MTSS1: variants seen among roughly 807,000 people sequenced by gnomAD.
MTSS1 encodes MTSS I-BAR domain containing 1, also known as protein MTSS 1.
MTSS1 carries 18 observed loss-of-function variants against 79.0 expected under a neutral mutation model. The observed-to-expected ratio is 0.23, with a 90% CI of 0.16 to 0.34. The LOEUF (loss-of-function observed/expected upper bound fraction) is 0.34. Among genes scored for constraint, MTSS1 ranks in the 10% least tolerant of loss-of-function variants. The probability of loss-of-function intolerance (pLI) is 1.00; values close to 1 mark genes in which losing one functional copy is unlikely to be tolerated. For missense variants in MTSS1, 815 were observed against 986.2 expected (o/e 0.83, Z 2.33); for synonymous variants, 341 against 368.6 (o/e 0.93, Z 0.86).
chr8:124,615,685 G>A (rs1352904858), intron 3 of MTSS1, among the ~76,000 whole-genome samples: 1 of 152,030 alleles, frequency 6.6e-6, no homozygotes, highest in Non-Finnish European at 1.5e-5. Flanking sequence ...GATTAAGACG[G>A]TATATGTTAT....
intron 13 of MTSS1, among the ~76,000 whole-genome samples, chr8:124,555,371 G>C (rs1823398440): frequency 6.6e-6 from 1 of 152,024 alleles, no homozygotes; most frequent in Non-Finnish European, 1.5e-5. Context: ...TCAGCCTCCT[G>C]AGTAGCTGGG....
Position 124,555,744 on chromosome 8 carries a change from T to C in MTSS1, c.1565A>G (p.Gln522Arg). The part of the protein sequence containing the change: ...PCCSEDTIPS[Q>R]VSDYDYFSVS... ...GCACACCCCAGGCTGCCTCGTACCT[T>C]GGGAAGGGATGGTGTCCTCAGAGCA... The change falls in exon 13 of 14, where the codon CAA (glutamine) becomes CGA (arginine). Residue 522 changes from glutamine (Q) to arginine (R), a missense_variant and splice_region_variant. Transcript: ENST00000518547. 6.2e-7 allele frequency: 1 copy of C among 1,608,196 alleles called. No individual in the cohort carries two copies. Among genetic ancestry groups the C allele is most frequent in the East Asian group, 2.2e-5 (1 of 44,798 alleles).
intron 3 of MTSS1, among the ~76,000 whole-genome samples, chr8:124,605,030 A>G (rs1394954601): frequency 6.6e-6 from 1 of 152,198 alleles, no homozygotes; most frequent in Non-Finnish European, 1.5e-5. Flanking sequence ...CGCTCACACT[A>G]TGGGAAAACC....
At chr8:124,572,033 T>C (rs908285395) in intron 6 of MTSS1, among the ~76,000 whole-genome samples, 1 of 152,094 alleles carries the variant, frequency 6.6e-6, no homozygotes, top group African/African-American at 2.4e-5. Flanking sequence ...GAAAAATGTA[T>C]CTTTACTTCC....
intron 3 of MTSS1, among the ~76,000 whole-genome samples, chr8:124,605,535 A>AGCCCTCGCGCTGCCTCCCTCCCT (rs1563842452): frequency 3.7e-5 from 5 of 135,712 alleles, no homozygotes; most frequent in African/African-American, 1.4e-4. Flanking sequence ...CTGCGGAGAC[A>AGCCCTCGCGCTGCCTCCCTCCCT]GCCCTCGCAC....
intron 3 of MTSS1, among the ~76,000 whole-genome samples, chr8:124,633,444 A>C (rs1054443102): frequency 1.3e-5 from 2 of 152,120 alleles, no homozygotes; most frequent in Non-Finnish European, 2.9e-5. Context: ...TTATTCCTAA[A>C]AGGAAAAATT....
intron 3 of MTSS1, among the ~76,000 whole-genome samples, chr8:124,674,803 C>T (rs1034922516): frequency 6.6e-6 from 1 of 152,022 alleles, no homozygotes; most frequent in Non-Finnish European, 1.5e-5. Context: ...CGCACTGCAA[C>T]CTCTGCTTCC....
chr8:124,661,678 G>A (rs58439099), intron 3 of MTSS1, among the ~76,000 whole-genome samples: 58 of 151,970 alleles, frequency 3.8e-4, no homozygotes, highest in East Asian at 5.8e-4. Flanking sequence ...TCAGCCACCC[G>A]CTACAAACAC....
chr8:124,678,672 C>A (rs1007854405), intron 3 of MTSS1, among the ~76,000 whole-genome samples: 1 of 152,202 alleles, frequency 6.6e-6, no homozygotes. Context: ...TCCCACAACT[C>A]GTAAGGATTA....
At chr8:124,561,246 C>T (rs931901777) in intron 10 of MTSS1, among the ~76,000 whole-genome samples, 1 of 152,110 alleles carries the variant, frequency 6.6e-6, no homozygotes, top group Admixed American at 6.6e-5. Flanking sequence ...GGCAAAAGCC[C>T]ACCTCTACTA....
In MTSS1 at chr8:124,597,509, G is replaced by C. The variant is rs1310059624; in HGVS notation, c.209-6274C>G. Reference sequence around the variant, plus strand: ...AAAGTCCGAAGTCAGATTGCCCCTTGCTGCAGAGACCTGGCAGCGACAGGC... The same window carrying C: ...AAAGTCCGAAGTCAGATTGCCCCTTCCTGCAGAGACCTGGCAGCGACAGGC... On this transcript the variant is annotated intron_variant, in intron 3 of 13. Coordinates refer to ENST00000518547, the MANE Select transcript of MTSS1 (RefSeq NM_014751.6). The surrounding 1 kb of genome is among the most constrained non-coding windows in gnomAD (Gnocchi z 4.6). Among the ~76,000 whole-genome samples the C allele has an allele frequency of 6.6e-6, 1 of 152,236 alleles. No homozygotes were observed. Among genetic ancestry groups the C allele is most frequent in the Non-Finnish European group, 1.5e-5 (1 of 68,050 alleles).
intron 3 of MTSS1, among the ~76,000 whole-genome samples, chr8:124,628,150 G>C (rs995725820): frequency 6.6e-6 from 1 of 152,206 alleles, no homozygotes; most frequent in African/African-American, 2.4e-5. Flanking sequence ...CTGGGCGACA[G>C]AGGGAGACCC....
At chr8:124,613,644 C>A (rs1398531566) in intron 3 of MTSS1, among the ~76,000 whole-genome samples, 1 of 152,186 alleles carries the variant, frequency 6.6e-6, no homozygotes, top group Non-Finnish European at 1.5e-5. Context: ...CTACGTACAG[C>A]TCCACAGGTA....
intron 3 of MTSS1, among the ~76,000 whole-genome samples, chr8:124,622,887 T>A (rs576274804): frequency 1.2e-4 from 18 of 152,182 alleles, no homozygotes; most frequent in Admixed American, 3.9e-4. Context: ...AAACTTCATG[T>A]TGTACACCTT....
intron 3 of MTSS1, among the ~76,000 whole-genome samples, chr8:124,645,935 G>A (rs2134079455): frequency 6.6e-6 from 1 of 152,240 alleles, no homozygotes; most frequent in South Asian, 2.1e-4. Context: ...TCCTTCAGAA[G>A]CTGCTCATGC....
intron 1 of MTSS1, among the ~76,000 whole-genome samples, chr8:124,720,296 C>G (rs895458990): frequency 6.6e-6 from 1 of 152,206 alleles, no homozygotes; most frequent in African/African-American, 2.4e-5. Flanking sequence ...TGTCCTCACA[C>G]AAAAGGTTAA....
intron 3 of MTSS1, among the ~76,000 whole-genome samples, chr8:124,648,919 T>G (rs1819477747): frequency 6.6e-6 from 1 of 152,226 alleles, no homozygotes; most frequent in African/African-American, 2.4e-5. Context: ...CTCAAGGAGC[T>G]CTACAACATC....
At chr8:124,556,785 C>A (rs1029950727) in intron 11 of MTSS1, among the ~76,000 whole-genome samples, 2 of 152,238 alleles carry the variant, frequency 1.3e-5, no homozygotes, top group Non-Finnish European at 1.5e-5. Flanking sequence ...AGATGGCTTC[C>A]CGTTAGGGGA....
At chr8:124,610,533 C>T (rs966861555) in intron 3 of MTSS1, among the ~76,000 whole-genome samples, 2 of 152,148 alleles carry the variant, frequency 1.3e-5, no homozygotes, top group Non-Finnish European at 2.9e-5. Context: ...TCTAAAGAAC[C>T]GTCAGCATCT....
Sources: allele counts gnomAD v4.1 joint callset (sites outside exome capture counted in the v4.1 genomes callset), GRCh38; gene constraint gnomAD v4.1.1; non-coding constraint Gnocchi (gnomAD v3.1); transcripts MANE v1.5; gene names NCBI Gene and HGNC (gene_info 2026-07-23, HGNC 2026-07-21).